The following MAD1L1 variants were observed in gnomAD, a reference collection of about 807,000 sequenced individuals.
The protein encoded by MAD1L1 is mitotic spindle assembly checkpoint protein MAD1.
In MAD1L1, 95 loss-of-function variants were observed where a neutral mutation model predicts 96.9. The ratio of observed to expected loss-of-function variants is 0.98; its 90% CI spans 0.83 to 1.16. MAD1L1 has a LOEUF of 1.16. Ranked by LOEUF, MAD1L1 falls within the 50% of genes most tolerant of loss-of-function variation. The pLI is 0.00. For synonymous variants in MAD1L1, 473 were observed against 396.6 expected (o/e 1.19, Z -2.29); for missense variants, 1,007 against 954.4 (o/e 1.06, Z -0.73).
intron 10 of MAD1L1, among the ~76,000 whole-genome samples, chr7:2,165,131 G>C (rs1411232258): frequency 6.6e-6 from 1 of 151,982 alleles, no homozygotes; most frequent in Non-Finnish European, 1.5e-5. Context: ...CTCAACCCGG[G>C]AGGTGGAGGT....
intron 1 of MAD1L1, among the ~76,000 whole-genome samples, chr7:2,231,661 G>T (rs79461743): frequency 6.6e-6 from 1 of 151,888 alleles, no homozygotes; most frequent in Non-Finnish European, 1.5e-5. Flanking sequence ...AATCAGAAAC[G>T]AGGCATGCAA....
chr7:2,136,263 G>A (rs1015419262), intron 11 of MAD1L1, among the ~76,000 whole-genome samples: 2 of 152,224 alleles, frequency 1.3e-5, no homozygotes, highest in Non-Finnish European at 2.9e-5. Flanking sequence ...GCATCGCCCT[G>A]ATGAGAGGCA....
chr7:1,847,638 A>G (rs904649491), intron 18 of MAD1L1: 4 of 470,852 alleles, frequency 8.5e-6, no homozygotes, highest in African/African-American at 8.0e-5. Flanking sequence ...CGCCCCCTCC[A>G]GCAGCTGCCC....
chr7:2,002,215 TC>T, intron 13 of MAD1L1, 94 bp from the exon 14 acceptor site: 1 of 1,267,698 alleles, frequency 7.9e-7, no homozygotes, highest in Non-Finnish European at 1.1e-6. Context: ...CCCCGCAGCC[TC>T]CACTCTCTGG....
chr7:1,834,544 TGAA>T (rs974577868), intron 18 of MAD1L1, among the ~76,000 whole-genome samples: 30 of 152,170 alleles, frequency 2.0e-4, no homozygotes, highest in Non-Finnish European at 8.8e-5. Flanking sequence ...GACAAACTTC[TGAA>T]GATACAAACT....
intron 4 of MAD1L1, 106 bp from the exon 5 acceptor site, chr7:2,222,860 G>C (rs1793684571): frequency 1.0e-6 from 1 of 973,650 alleles, no homozygotes; most frequent in East Asian, 2.7e-5. Context: ...ACAAAAAAGA[G>C]CCGAGCAGGA....
At chr7:1,852,679 G>C (rs1279345387) in intron 18 of MAD1L1, among the ~76,000 whole-genome samples, 2 of 151,998 alleles carry the variant, frequency 1.3e-5, no homozygotes, top group Non-Finnish European at 2.9e-5. Context: ...AAAGCTTTGC[G>C]AGATACTGCA....
rs377683144 is a variant in MAD1L1, at chr7:2,146,053, G to T, written c.1073+3099C>A. ...CCAGGAAGTGCATCAAGACTGCGTG[G>T]TGTAGGCTGCTCACAGCGGCACACT... On this transcript the variant is annotated intron_variant, in intron 11 of 18. Coordinates refer to ENST00000265854, the MANE Select transcript of MAD1L1 (RefSeq NM_001013836.2). The surrounding 1 kb of genome is among the most constrained non-coding windows in gnomAD (Gnocchi z 6.2). 6.6e-6 allele frequency among the ~76,000 whole-genome samples: 1 copy of T among 152,226 alleles called. No homozygotes were observed. Among genetic ancestry groups the T allele is most frequent in the East Asian group, 1.9e-4 (1 of 5,198 alleles).
At chr7:2,162,694 T>C (rs1790218469) in intron 10 of MAD1L1, among the ~76,000 whole-genome samples, 1 of 118,224 alleles carries the variant, frequency 8.5e-6, no homozygotes. Context: ...AAGTTATCTA[T>C]AATCCACCAC....
At chr7:2,157,472 C>T (rs572770771) in intron 10 of MAD1L1, among the ~76,000 whole-genome samples, 2 of 152,356 alleles carry the variant, frequency 1.3e-5, no homozygotes, top group Non-Finnish European at 2.9e-5. Context: ...ACGGAAGACG[C>T]TGCCCATCTG....
rs547781230 is a variant in MAD1L1 at position 2,146,459 on chromosome 7, C to T, written c.1073+2693G>A. On this transcript the variant is annotated intron_variant, in intron 11 of 18. Transcript: ENST00000265854. This position sits in a 1 kb window ranked among gnomAD's most constrained non-coding sequence, Gnocchi z 6.2. Reference sequence around the variant, plus strand: ...GCACCCTGAGAAGCTCCTCAGATGGCGAGAACAGCGTTCACTACCAGGGAA... The same window carrying T: ...GCACCCTGAGAAGCTCCTCAGATGGTGAGAACAGCGTTCACTACCAGGGAA... Among the ~76,000 whole-genome samples, 7 of 152,312 alleles carry T rather than the reference C, an allele frequency of 4.6e-5. No homozygotes were observed. In the East Asian group the frequency reaches 1.2e-3, roughly 25 times the overall value.
At chr7:1,903,914 G>A (rs1787442506) in intron 17 of MAD1L1, among the ~76,000 whole-genome samples, 1 of 124,832 alleles carries the variant, frequency 8.0e-6, no homozygotes, top group African/African-American at 2.8e-5. Context: ...GATTGATCAA[G>A]CACTGTTCCA....
intron 15 of MAD1L1, among the ~76,000 whole-genome samples, chr7:1,959,168 C>T (rs1316979282): frequency 6.6e-6 from 1 of 152,210 alleles, no homozygotes; most frequent in Non-Finnish European, 1.5e-5. Flanking sequence ...ATAAGAATCG[C>T]TTGAACCCAG....
chr7:1,826,047 G>A (rs374101102), intron 18 of MAD1L1, among the ~76,000 whole-genome samples: 8 of 152,088 alleles, frequency 5.3e-5, no homozygotes, highest in East Asian at 1.9e-4. Context: ...GCGTGATAAC[G>A]TCAAGACCGT....
chr7:1,917,121 CTCCA>C (rs1788456993), intron 17 of MAD1L1, among the ~76,000 whole-genome samples: 1 of 152,206 alleles, frequency 6.6e-6, no homozygotes, highest in African/African-American at 2.4e-5. Context: ...ACCCAGTTCC[CTCCA>C]TCCATGTGCC....
chr7:2,200,767 T>G (rs1327280698), intron 10 of MAD1L1, among the ~76,000 whole-genome samples: 1 of 152,180 alleles, frequency 6.6e-6, no homozygotes, highest in South Asian at 2.1e-4. Context: ...ACGGCCCCCC[T>G]GCAGCCACTG....
chr7:2,039,994 T>C (rs1222843731), intron 12 of MAD1L1, among the ~76,000 whole-genome samples: 4 of 152,126 alleles, frequency 2.6e-5, no homozygotes, highest in African/African-American at 4.8e-5. Context: ...TCTGTGAGAA[T>C]AGCAACAGAA....
At chr7:2,038,409 G>A (rs1783532438) in intron 12 of MAD1L1, among the ~76,000 whole-genome samples, 1 of 151,164 alleles carries the variant, frequency 6.6e-6, no homozygotes, top group Non-Finnish European at 1.5e-5. Flanking sequence ...GCCGTCTAGG[G>A]CTTTTACAGT....
intron 17 of MAD1L1, among the ~76,000 whole-genome samples, chr7:1,898,935 C>A (rs1787069094): frequency 6.6e-6 from 1 of 152,202 alleles, no homozygotes; most frequent in Non-Finnish European, 1.5e-5. Flanking sequence ...CTTTCTGAGG[C>A]TGGACGCCTA....
Sources: allele counts gnomAD v4.1 joint callset (sites outside exome capture counted in the v4.1 genomes callset), GRCh38; gene constraint gnomAD v4.1.1; non-coding constraint Gnocchi (gnomAD v3.1); transcripts MANE v1.5; gene names NCBI Gene and HGNC (gene_info 2026-07-23, HGNC 2026-07-21).